NAV3: variants seen among roughly 807,000 people sequenced by gnomAD.
NAV3 encodes neuron navigator 3, also known as pore membrane and/or filament interacting like protein 1.
NAV3 carries 87 observed loss-of-function variants against 244.7 expected under a neutral mutation model. That is an observed-to-expected ratio of 0.36 (90% CI 0.30 to 0.42). NAV3 has a LOEUF of 0.42. NAV3 is among the 20% of genes least tolerant of loss of function. The pLI is 1.00. For missense variants in NAV3, 2,663 were observed against 2,893.3 expected, an observed-to-expected ratio of 0.92 and a Z score of 1.83; for synonymous variants, 1,126 against 1,042.2, an observed-to-expected ratio of 1.08 and a Z score of -1.55.
At chr12:77,854,555 A>G (rs564795120) in intron 1 of NAV3, among the ~76,000 whole-genome samples, 42 of 150,974 alleles carry the variant, frequency 2.8e-4, no homozygotes, top group South Asian at 6.4e-4. Context: ...AAAGCTATGT[A>G]ATCATGATAA....
chr12:77,756,099 T>C (rs1055624827), intron 2 of NAV3, among the ~76,000 whole-genome samples: 1 of 152,188 alleles, frequency 6.6e-6, no homozygotes, highest in Non-Finnish European at 1.5e-5. Context: ...AAAATAAAGA[T>C]AATAAAAGTA....
intron 23 of NAV3, among the ~76,000 whole-genome samples, chr12:78,162,893 T>C (rs1195919970): frequency 7.7e-6 from 1 of 129,448 alleles, no homozygotes; most frequent in African/African-American, 2.7e-5. Flanking sequence ...ATATATATAA[T>C]ATATATATAA....
intron 5 of NAV3, among the ~76,000 whole-genome samples, chr12:77,975,343 G>C (rs1868298203): frequency 6.6e-6 from 1 of 152,148 alleles, no homozygotes; most frequent in African/African-American, 2.4e-5. Context: ...GAAGACAAAA[G>C]AGATTAAAAA....
At chr12:77,741,160 AAAAAAAG>A (rs1868326604) in intron 2 of NAV3, among the ~76,000 whole-genome samples, 1 of 148,676 alleles carries the variant, frequency 6.7e-6, no homozygotes, top group Admixed American at 6.7e-5. Flanking sequence ...AAAAAAAAAA[AAAAAAAG>A]AAAAGAAAGA....
intron 17 of NAV3, among the ~76,000 whole-genome samples, 188 bp from the exon 18 acceptor site, chr12:78,128,517 AT>A (rs1036735354): frequency 5.3e-5 from 8 of 151,904 alleles, no homozygotes; most frequent in South Asian, 2.1e-4. Flanking sequence ...CCTTTATCTT[AT>A]TTTTTTTCCC....
At chr12:78,095,398 A>G (rs1214358148) in intron 12 of NAV3, among the ~76,000 whole-genome samples, 1 of 152,164 alleles carries the variant, frequency 6.6e-6, no homozygotes, top group Non-Finnish European at 1.5e-5. Flanking sequence ...GTGCAAACAT[A>G]TTTGTACATG....
intron 1 of NAV3, among the ~76,000 whole-genome samples, chr12:77,837,375 G>C (rs1592741615): frequency 6.6e-6 from 1 of 152,096 alleles, no homozygotes; most frequent in East Asian, 1.9e-4. Context: ...AATGACACTG[G>C]TAATGATATT....
chr12:77,979,769 A>C (rs980150903), intron 5 of NAV3, among the ~76,000 whole-genome samples: 14 of 150,988 alleles, frequency 9.3e-5, no homozygotes, highest in Non-Finnish European at 1.5e-5. Flanking sequence ...AACAACGCTC[A>C]CCCATCAGAG....
intron 2 of NAV3, among the ~76,000 whole-genome samples, chr12:77,692,468 T>A (rs991705503): frequency 6.6e-6 from 1 of 152,018 alleles, no homozygotes; most frequent in Non-Finnish European, 1.5e-5. Flanking sequence ...ATGTCACCAA[T>A]AGGCTGTACT....
rs1269203257 is a variant in NAV3, at chr12:78,050,871, C to T, written c.2240C>T (p.Ala747Val). 7 of 1,614,036 alleles carry T rather than the reference C, an allele frequency of 4.3e-6. No homozygotes were observed. In the East Asian group the frequency reaches 8.9e-5, roughly 21 times the overall value. The change falls in exon 11 of 40, where the codon GCA becomes GTA. Residue 747 changes from alanine to valine, a missense_variant. Physicochemically the swap from Ala to Val is moderately conservative, Grantham distance 64 (BLOSUM62 0). This residue lies in a region of NAV3 where 1,521 missense variants were observed against 1,497.0 expected (regional missense o/e 1.02). Transcript: ENST00000397909. ...CCCATGACCTGGAGGTTGGGCCAGG[C>T]ATGTCCGCGACTTCAGGCGGGAGAT... ...PTPMTWRLGQ[A>V]CPRLQAGDAP...
intron 9 of NAV3, among the ~76,000 whole-genome samples, chr12:78,034,237 C>G (rs1490661714): frequency 6.6e-6 from 1 of 152,200 alleles, no homozygotes; most frequent in Non-Finnish European, 1.5e-5. Context: ...CCACCACACC[C>G]ACAGTTGTGA....
intron 9 of NAV3, among the ~76,000 whole-genome samples, chr12:78,046,294 C>G: frequency 6.6e-6 from 1 of 152,060 alleles, no homozygotes; most frequent in East Asian, 1.9e-4. Flanking sequence ...TTTGCTCTTG[C>G]TTCTCTAGTT....
chr12:77,965,491 C>T lies in NAV3; in HGVS notation c.415-738C>T, dbSNP rs182120869. 3.4e-4 allele frequency among the ~76,000 whole-genome samples: 51 copies of T among 152,142 alleles called. No individual in the cohort carries two copies. The East Asian group carries it at 4.7e-3, about 14-fold the overall frequency. On this transcript the variant is annotated intron_variant, in intron 3 of 39. Coordinates refer to ENST00000397909, the MANE Select transcript of NAV3 (RefSeq NM_001024383.2). The stretch of plus-strand genomic sequence containing the variant: ...AAAATTAGCGGGGCGTGGTGGCGTG[C>T]GCCTGTAGTCCCAGCTACTTGGGAG...
chr12:77,681,078 T>A (rs2137115235), intron 2 of NAV3, among the ~76,000 whole-genome samples: 1 of 152,250 alleles, frequency 6.6e-6, no homozygotes, highest in African/African-American at 2.4e-5. Flanking sequence ...TGCCTAGTAT[T>A]TTTTTATCTT....
intron 2 of NAV3, among the ~76,000 whole-genome samples, chr12:77,825,817 A>T (rs1236285240): frequency 6.6e-6 from 1 of 152,174 alleles, no homozygotes; most frequent in Non-Finnish European, 1.5e-5. Flanking sequence ...GAAATATATA[A>T]ATAATTGTTG....
At chr12:77,701,931 A>G (rs1018810371) in intron 2 of NAV3, among the ~76,000 whole-genome samples, 1 of 151,986 alleles carries the variant, frequency 6.6e-6, no homozygotes, top group Non-Finnish European at 1.5e-5. Flanking sequence ...GTGTACCAGG[A>G]GCAAGATATG....
chr12:77,970,630 C>T (rs995380647), intron 5 of NAV3, among the ~76,000 whole-genome samples: 1 of 151,992 alleles, frequency 6.6e-6, no homozygotes, highest in East Asian at 1.9e-4. Flanking sequence ...TTTGACTGTT[C>T]TTTAAGCTCA....
At chr12:77,947,350 C>G (rs973193665) in intron 3 of NAV3, 1 of 150,866 alleles carries the variant, frequency 6.6e-6, no homozygotes, top group Non-Finnish European at 1.5e-5. Flanking sequence ...TTATCAGTAG[C>G]CTGTCCTTTA....
At chr12:77,952,220 T>C (rs1470799686) in intron 3 of NAV3, among the ~76,000 whole-genome samples, 1 of 152,172 alleles carries the variant, frequency 6.6e-6, no homozygotes, top group African/African-American at 2.4e-5. Context: ...GGGCAGAAGT[T>C]TTTAATTTTT....
Sources: allele counts gnomAD v4.1 joint callset (sites outside exome capture counted in the v4.1 genomes callset), GRCh38; gene constraint gnomAD v4.1.1; regional missense constraint gnomAD v4.1.1; transcripts MANE v1.5; gene names NCBI Gene and HGNC (gene_info 2026-07-23, HGNC 2026-07-21).